The following ERC1 variants were observed in gnomAD, a reference collection of about 807,000 sequenced individuals.
ERC1 encodes the protein ELKS/RAB6-interacting/CAST family member 1, also known as RAB6 interacting protein 2.
A neutral mutation model predicts 132.0 loss-of-function variants in ERC1; 56 were observed. The observed-to-expected ratio is 0.42, with a 90% CI of 0.34 to 0.53. The LOEUF (loss-of-function observed/expected upper bound fraction) is 0.53. Ranked by LOEUF, ERC1 falls within the 20% of genes least tolerant of loss-of-function variation. The pLI is 0.03. For synonymous variants in ERC1, 478 were observed against 476.1 expected (o/e 1.00, Z -0.05); for missense variants, 1,202 against 1,349.9 (o/e 0.89, Z 1.72).
At chr12:1,230,925 T>A (rs1054852942) in intron 12 of ERC1, among the ~76,000 whole-genome samples, 9 of 152,186 alleles carry the variant, frequency 5.9e-5, no homozygotes, top group Non-Finnish European at 1.5e-5. Flanking sequence ...TCTTTTTCTA[T>A]CCTTTTGTTT....
chr12:1,423,289 A>C (rs12424419), intron 17 of ERC1, among the ~76,000 whole-genome samples: 9,062 of 152,242 alleles, frequency 0.06, 394 homozygotes, highest in African/African-American at 0.11. Flanking sequence ...AAAGTCTTCT[A>C]CCAGTCTCTT....
intron 15 of ERC1, among the ~76,000 whole-genome samples, chr12:1,328,834 A>G (rs1210234140): frequency 6.7e-6 from 1 of 149,120 alleles, no homozygotes; most frequent in Non-Finnish European, 1.5e-5. Context: ...AGGAGCATCT[A>G]ATTCAGTGTT....
At chr12:1,049,417 A>G (rs2154167045) in intron 2 of ERC1, among the ~76,000 whole-genome samples, 1 of 152,278 alleles carries the variant, frequency 6.6e-6, no homozygotes, top group Non-Finnish European at 1.5e-5. Flanking sequence ...CAAACAAACC[A>G]AAACCTGATG....
chr12:1,393,926 G>T (rs1231197051), intron 16 of ERC1, among the ~76,000 whole-genome samples: 1 of 146,490 alleles, frequency 6.8e-6, no homozygotes, highest in Non-Finnish European at 1.5e-5. Context: ...TGAGGCAGGA[G>T]AATGGCGTGA....
At chr12:1,047,285 C>T (rs896199261) in intron 2 of ERC1, among the ~76,000 whole-genome samples, 37 of 151,816 alleles carry the variant, frequency 2.4e-4, no homozygotes, top group Non-Finnish European at 1.9e-4. Context: ...ATAAGCCCCC[C>T]GTCATTGATT....
chr12:1,466,774 T>C (rs2093751609), intron 18 of ERC1, among the ~76,000 whole-genome samples: 1 of 152,188 alleles, frequency 6.6e-6, no homozygotes, highest in Non-Finnish European at 1.5e-5. Flanking sequence ...AAAAGAGTTG[T>C]GTAAGAGACA....
At chr12:1,136,998 G>A (rs561760338) in intron 7 of ERC1, among the ~76,000 whole-genome samples, 2 of 151,934 alleles carry the variant, frequency 1.3e-5, no homozygotes, top group East Asian at 3.9e-4. Flanking sequence ...TTTGGTATGT[G>A]ATAACAGATT....
At chr12:1,320,346 T>A (rs181474250) in intron 15 of ERC1, among the ~76,000 whole-genome samples, 1 of 152,188 alleles carries the variant, frequency 6.6e-6, no homozygotes, top group African/African-American at 2.4e-5. Flanking sequence ...AAAGTGTGCA[T>A]CTCCTTAATT....
chr12:1,137,938 T>C (rs982857377), intron 7 of ERC1, among the ~76,000 whole-genome samples: 2 of 139,324 alleles, frequency 1.4e-5, no homozygotes. Flanking sequence ...TTATATAATA[T>C]ATAATATATT....
At chr12:1,136,837 T>C (rs150970518) in intron 7 of ERC1, among the ~76,000 whole-genome samples, 1 of 152,284 alleles carries the variant, frequency 6.6e-6, no homozygotes, top group East Asian at 1.9e-4. Context: ...CTGCCTTCCC[T>C]TTTGTATCTA....
Position 996,865 on chromosome 12 carries a change from A to G in ERC1, c.-157+5543A>G, listed in dbSNP as rs148347568. ...TGTGTAATAGGACATTACCTATTCTAAAATTGCATACATATAAGAAACATT... is the reference window on the plus strand; with the variant it reads ...TGTGTAATAGGACATTACCTATTCTGAAATTGCATACATATAAGAAACATT... On this transcript the variant is annotated intron_variant, in intron 1 of 18. Transcript: ENST00000360905. Among the ~76,000 whole-genome samples, 334 of 152,340 alleles carry G rather than the reference A, an allele frequency of 2.2e-3. 2 individuals carry two copies. The highest frequency in any genetic ancestry group is 7.8e-3 in the African/African-American group (324 of 41,580).
At chr12:1,054,075 AAGAG>A (rs1296927080) in intron 2 of ERC1, among the ~76,000 whole-genome samples, 1 of 152,214 alleles carries the variant, frequency 6.6e-6, no homozygotes. Flanking sequence ...TTCAGAAAAA[AAGAG>A]AGGTTATTAT....
At chr12:1,002,836 T>A (rs146485345) in intron 1 of ERC1, among the ~76,000 whole-genome samples, 1 of 152,166 alleles carries the variant, frequency 6.6e-6, no homozygotes, top group African/African-American at 2.4e-5. Flanking sequence ...TTCACATGTC[T>A]TGCCCAATTT....
At chr12:1,372,569 T>A (rs1482359832) in intron 16 of ERC1, among the ~76,000 whole-genome samples, 6 of 152,254 alleles carry the variant, frequency 3.9e-5, no homozygotes, top group Admixed American at 6.5e-5. Flanking sequence ...AAATGGTAAC[T>A]TTTATGTTAG....
chr12:1,116,568 ATT>A (rs201063580), intron 7 of ERC1, among the ~76,000 whole-genome samples: 9 of 143,838 alleles, frequency 6.3e-5, no homozygotes, highest in African/African-American at 1.0e-4. Context: ...TGTTTTTAGA[ATT>A]TTTTTTTTTT....
rs571050520 is a variant in ERC1 at position 1,244,696 on chromosome 12, T to C, written c.2487+7792T>C. On this transcript the variant is annotated intron_variant, in intron 13 of 18. Transcript: ENST00000360905. ...GCCACCATGCCTGGCTAATTTTGTG[T>C]GTCTGTTTTTATTAGAGACGGGGTT... is the stretch of plus-strand genomic sequence containing the variant. The C allele has an allele frequency of 7.8e-4, 292 of 373,822 alleles. 1 individual carries two copies. Among genetic ancestry groups the C allele is most frequent in the African/African-American group, 5.4e-3 (253 of 47,228 alleles). 23.2% of individuals were successfully genotyped at this position (373,822 alleles called of 1,614,324 possible).
At chr12:1,338,837 A>G (rs2083534206) in intron 15 of ERC1, among the ~76,000 whole-genome samples, 1 of 152,134 alleles carries the variant, frequency 6.6e-6, no homozygotes, top group Admixed American at 6.5e-5. Flanking sequence ...CTGATCTTCT[A>G]GACTGTGTGC....
At chr12:1,143,597 T>TTC (rs1950062721) in intron 8 of ERC1, among the ~76,000 whole-genome samples, 1 of 151,038 alleles carries the variant, frequency 6.6e-6, no homozygotes, top group African/African-American at 2.5e-5. Context: ...TTTTTTTTTT[T>TTC]CTTGGCTATT....
intron 14 of ERC1, among the ~76,000 whole-genome samples, chr12:1,264,977 G>A (rs571879740): frequency 6.6e-6 from 1 of 152,154 alleles, no homozygotes; most frequent in Non-Finnish European, 1.5e-5. Context: ...TAGAAAAAAA[G>A]ACCAACCTCA....
Sources: gnomAD v4.1 joint callset for allele counts (sites outside exome capture counted in the v4.1 genomes callset) on GRCh38, gnomAD v4.1.1 for gene constraint, MANE v1.5 for transcripts, NCBI Gene and HGNC (gene_info 2026-07-23, HGNC 2026-07-21) for gene names.